Variants in BCAS3 observed in about 807,000 individuals in gnomAD.
BCAS3 encodes BCAS4/BCAS3 fusion.
BCAS3 carries 53 observed loss-of-function variants against 116.1 expected under a neutral mutation model. That is an observed-to-expected ratio of 0.46 (90% confidence interval 0.37 to 0.57). The LOEUF is 0.57. Among genes scored for constraint, BCAS3 ranks in the 20% least tolerant of loss-of-function variants. The pLI, the probability that BCAS3 is intolerant of heterozygous loss-of-function variation, is 0.00. For synonymous variants in BCAS3, 391 were observed against 408.2 expected, an observed-to-expected ratio of 0.96 and a Z score of 0.51; for missense variants, 917 against 1,165.4, an observed-to-expected ratio of 0.79 and a Z score of 3.10.
intron 22 of BCAS3, among the ~76,000 whole-genome samples, chr17:61,112,916 A>G (rs1469190597): frequency 1.3e-5 from 2 of 149,748 alleles, no homozygotes; most frequent in Non-Finnish European, 3.0e-5. Context: ...TCAAACTAGA[A>G]CTCAGGATTA....
At chr17:61,033,495 G>C (rs1307443523) in intron 16 of BCAS3, among the ~76,000 whole-genome samples, 2 of 152,132 alleles carry the variant, frequency 1.3e-5, no homozygotes, top group African/African-American at 4.8e-5. Context: ...ACACAGCTCA[G>C]AGGTGCCAGC....
intron 14 of BCAS3, among the ~76,000 whole-genome samples, chr17:60,980,285 C>T (rs913177912): frequency 6.6e-6 from 1 of 152,186 alleles, no homozygotes; most frequent in Non-Finnish European, 1.5e-5. Flanking sequence ...TTCTACACAT[C>T]CTCACCAAAA....
chr17:61,129,802 T>C (rs1268566011), intron 22 of BCAS3, among the ~76,000 whole-genome samples: 9 of 152,240 alleles, frequency 5.9e-5, no homozygotes, highest in Non-Finnish European at 1.2e-4. Flanking sequence ...ACTTACAATC[T>C]GAGTATTCCT....
Position 60,970,362 on chromosome 17 carries a change from CAG to C in BCAS3, c.1222-19607_1222-19606del, listed in dbSNP as rs764563794. Among the ~76,000 whole-genome samples the C allele has an allele frequency of 2.3e-4, 35 of 151,956 alleles. 1 individual carries two copies. In the East Asian group the frequency reaches 3.5e-3, roughly 15 times the overall value. On this transcript the variant is annotated intron_variant, in intron 14 of 23. Transcript: ENST00000407086. ...AAGAAAAAGAGGGATAAACAGAAAA[CAG>C]ATATTAAATGGTATATCAAAATTCA...
intron 9 of BCAS3, among the ~76,000 whole-genome samples, chr17:60,879,202 G>A (rs1170137410): frequency 6.6e-6 from 1 of 151,786 alleles, no homozygotes; most frequent in African/African-American, 2.4e-5. Context: ...TCTTAAGGTA[G>A]GACCATAGCC....
At position 60,994,222 on chromosome 17, in the gene BCAS3, T is replaced by C. The variant is rs148319367; in HGVS notation, c.1486+3987T>C. 2.3e-3 allele frequency among the ~76,000 whole-genome samples: 343 copies of C among 152,174 alleles called. No individual in the cohort carries two copies. The highest frequency in any genetic ancestry group is 8.0e-3 in the African/African-American group (332 of 41,556). ...GCATTATTGAATATATTTTAAAATA[T>C]TGTTTTTACTCATCACTACTTTGAA... On this transcript the variant is annotated intron_variant, in intron 15 of 23. Transcript: ENST00000407086. The surrounding 1 kb of genome is among the most constrained non-coding windows in gnomAD (Gnocchi z 4.4).
At position 61,200,004 on chromosome 17, in the gene BCAS3, A is replaced by G. The variant is rs1023829502; in HGVS notation, c.2425+115440A>G. Among the ~76,000 whole-genome samples the G allele has an allele frequency of 2.0e-5, 3 of 152,206 alleles. No individual in the cohort carries two copies. The highest frequency in any genetic ancestry group is 2.9e-5 in the Non-Finnish European group (2 of 68,038). On this transcript the variant is annotated intron_variant, in intron 22 of 23. Coordinates refer to ENST00000407086, the MANE Select transcript of BCAS3 (RefSeq NM_017679.5). The surrounding 1 kb of genome is among the most constrained non-coding windows in gnomAD (Gnocchi z 5.1). Reference sequence around the variant, plus strand: ...TTATATAAGGAAATTGGAAACACCAATTTTGGATGAGATAAGTTACCCTTT... The same window carrying G: ...TTATATAAGGAAATTGGAAACACCAGTTTTGGATGAGATAAGTTACCCTTT...
chr17:60,932,086 A>G (rs1343600934), intron 13 of BCAS3, among the ~76,000 whole-genome samples: 1 of 152,124 alleles, frequency 6.6e-6, no homozygotes. Context: ...AAAAATAAAA[A>G]ATAAAATAAT....
chr17:61,278,140 T>G lies in BCAS3; in HGVS notation c.2426-90187T>G, dbSNP rs2050930530. On this transcript the variant is annotated intron_variant, in intron 22 of 23. Coordinates refer to ENST00000407086, the MANE Select transcript of BCAS3 (RefSeq NM_017679.5). The surrounding 1 kb of genome is among the most constrained non-coding windows in gnomAD (Gnocchi z 5.8). The stretch of plus-strand genomic sequence containing the variant: ...CAACCTCTGCCTCCCGGGTCCTGAT[T>G]CAAGCAATTCTCCTGCCTCAGCCTC... Among the ~76,000 whole-genome samples the G allele has an allele frequency of 6.6e-6, 1 of 152,198 alleles. No individual in the cohort carries two copies. Among genetic ancestry groups the G allele is most frequent in the Non-Finnish European group, 1.5e-5 (1 of 68,036 alleles).
chr17:60,808,745 T>C (rs929192199), intron 7 of BCAS3, among the ~76,000 whole-genome samples: 2 of 152,168 alleles, frequency 1.3e-5, no homozygotes, highest in Non-Finnish European at 2.9e-5. Flanking sequence ...CAGAGACTTA[T>C]GAATGTGGCT....
At chr17:60,813,942 A>G (rs2049083188) in intron 7 of BCAS3, among the ~76,000 whole-genome samples, 1 of 152,120 alleles carries the variant, frequency 6.6e-6, no homozygotes. Flanking sequence ...CTTATAGTAT[A>G]GTTTGAAGTC....
At chr17:60,760,423 A>G (rs1305052608) in intron 6 of BCAS3, among the ~76,000 whole-genome samples, 1 of 151,650 alleles carries the variant, frequency 6.6e-6, no homozygotes, top group Non-Finnish European at 1.5e-5. Flanking sequence ...GTTATCTTGG[A>G]AAGACTTTAT....
chr17:60,881,672 T>C (rs1156390627), intron 9 of BCAS3, among the ~76,000 whole-genome samples: 2 of 146,706 alleles, frequency 1.4e-5, no homozygotes, highest in Non-Finnish European at 3.0e-5. Flanking sequence ...TTCCCACCTA[T>C]GAGTGAGAAT....
intron 7 of BCAS3, among the ~76,000 whole-genome samples, chr17:60,850,892 T>C (rs1568378650): frequency 6.6e-6 from 1 of 152,208 alleles, no homozygotes; most frequent in Non-Finnish European, 1.5e-5. Context: ...CCTAAGTTGA[T>C]CTATGCATTC....
chr17:61,010,881 T>C (rs1470242010), intron 15 of BCAS3, among the ~76,000 whole-genome samples: 1 of 152,014 alleles, frequency 6.6e-6, no homozygotes, highest in East Asian at 1.9e-4. Context: ...TTTATCTATA[T>C]AGAGTAAGCC....
rs73993471 is a variant in BCAS3 at position 61,360,617 on chromosome 17, C to T, written c.2426-7710C>T. Reference sequence around the variant, plus strand: ...GTCTTTGTCTTCACATGGGCTTCTTCCTTCTGTGTCTCTGATCCCCTCTTT... The same window carrying T: ...GTCTTTGTCTTCACATGGGCTTCTTTCTTCTGTGTCTCTGATCCCCTCTTT... On this transcript the variant is annotated intron_variant, in intron 22 of 23. Coordinates refer to ENST00000407086, the MANE Select transcript of BCAS3 (RefSeq NM_017679.5). 8.1e-3 allele frequency among the ~76,000 whole-genome samples: 1,232 copies of T among 152,306 alleles called. 16 individuals carry two copies. The highest frequency in any genetic ancestry group is 0.028 in the African/African-American group (1,179 of 41,570).
intron 22 of BCAS3, among the ~76,000 whole-genome samples, chr17:61,270,432 A>AT (rs1263318387): frequency 1.0e-4 from 15 of 150,648 alleles, no homozygotes; most frequent in South Asian, 4.2e-4. Context: ...CCTTTTGCCG[A>AT]TTTTTTTATC....
In BCAS3 at chr17:60,993,644, T is replaced by A. The variant is rs1403961505; in HGVS notation, c.1486+3409T>A. Among the ~76,000 whole-genome samples the A allele has an allele frequency of 6.6e-6, 1 of 152,190 alleles. No individual in the cohort carries two copies. The highest frequency in any genetic ancestry group is 1.5e-5 in the Non-Finnish European group (1 of 68,016). On this transcript the variant is annotated intron_variant, in intron 15 of 23. Transcript: ENST00000407086. This position sits in a 1 kb window ranked among gnomAD's most constrained non-coding sequence, Gnocchi z 4.2. The stretch of plus-strand genomic sequence containing the variant: ...CATTGTTGGTTAGTTCTAAAAATGA[T>A]GTATTTACAGTTTGTGTGGGTAAAC...
chr17:61,306,208 G>A lies in BCAS3; in HGVS notation c.2426-62119G>A, dbSNP rs999272172. Among the ~76,000 whole-genome samples, 4 of 152,242 alleles carry A rather than the reference G, an allele frequency of 2.6e-5. No homozygotes were observed. In the East Asian group the frequency reaches 5.8e-4, roughly 22 times the overall value. Reference sequence around the variant, plus strand: ...ACACCTGAGTCATTTGTTGGCAACAGTGTGATCTTGGGTACATTCCTTTGA... The same window carrying A: ...ACACCTGAGTCATTTGTTGGCAACAATGTGATCTTGGGTACATTCCTTTGA... On this transcript the variant is annotated intron_variant, in intron 22 of 23. Transcript: ENST00000407086.
Sources: gnomAD v4.1 joint callset for allele counts (sites outside exome capture counted in the v4.1 genomes callset) on GRCh38, gnomAD v4.1.1 for gene constraint, Gnocchi (gnomAD v3.1) non-coding constraint, MANE v1.5 for transcripts, NCBI Gene and HGNC (gene_info 2026-07-23, HGNC 2026-07-21) for gene names.